Variants in NR3C1 observed in about 807,000 individuals in gnomAD.
The protein encoded by NR3C1 is glucocorticoid receptor.
NR3C1 carries 14 observed loss-of-function variants against 74.0 expected under a neutral mutation model. That is an observed-to-expected ratio of 0.19 (90% CI 0.12 to 0.30). NR3C1 has a LOEUF of 0.30. Ranked by LOEUF, NR3C1 falls within the 10% of genes least tolerant of loss-of-function variation. The pLI is 1.00. For missense variants in NR3C1, 695 were observed against 909.8 expected (o/e 0.76, Z 3.04); for synonymous variants, 308 against 332.5 (o/e 0.93, Z 0.80).
chr5:143,403,139 G>A (rs928245706), intron 1 of NR3C1, 72 bp downstream of exon 1: 8 of 862,030 alleles, frequency 9.3e-6, no homozygotes, highest in Admixed American at 8.4e-5. Context: ...GGCGGCCCCC[G>A]AGTTGTCTCC....
chr5:143,305,932 T>TA (rs914461554), intron 4 of NR3C1, among the ~76,000 whole-genome samples: 2 of 152,130 alleles, frequency 1.3e-5, no homozygotes, highest in African/African-American at 4.8e-5. Context: ...TTTTTGAACT[T>TA]AAAAAAATTA....
chr5:143,339,312 T>C (rs1040525353), intron 2 of NR3C1, among the ~76,000 whole-genome samples: 4 of 152,230 alleles, frequency 2.6e-5, no homozygotes, highest in African/African-American at 9.6e-5. Context: ...CTCCAGTCTT[T>C]GATGATTTCT....
At position 143,384,853 on chromosome 5, in the gene NR3C1, C is replaced by T. The variant is rs539573474; in HGVS notation, c.1184+14803G>A. ...CTGGAGGATGGTATCCCTCTTCTCA[C>T]GGCTCCACTAGGCAGTGCCCCAGTG... On this transcript the variant is annotated intron_variant, in intron 2 of 8. Transcript: ENST00000394464. Among the ~76,000 whole-genome samples the T allele has an allele frequency of 7.9e-5, 12 of 152,350 alleles. No individual in the cohort carries two copies. In the East Asian group the frequency reaches 1.5e-3, roughly 20 times the overall value.
intron 2 of NR3C1, among the ~76,000 whole-genome samples, chr5:143,322,969 T>C (rs1823689099): frequency 6.6e-6 from 1 of 152,230 alleles, no homozygotes; most frequent in South Asian, 2.1e-4. Flanking sequence ...AGGAATAATC[T>C]TAGGTACAGG....
At chr5:143,326,968 G>A (rs906438835) in intron 2 of NR3C1, among the ~76,000 whole-genome samples, 4 of 152,172 alleles carry the variant, frequency 2.6e-5, no homozygotes, top group Admixed American at 2.0e-4. Flanking sequence ...GTACCACAAT[G>A]TATACATTCA....
chr5:143,403,729 C>CCCCCGGCCGCT (rs1353119645), upstream of NR3C1: 6 of 985,022 alleles, frequency 6.1e-6, no homozygotes, highest in Non-Finnish European at 7.2e-6. Flanking sequence ...TCCCACTCCA[C>CCCCCGGCCGCT]CCCCGGCCGC....
At chr5:143,349,741 T>C (rs1829917045) in intron 2 of NR3C1, among the ~76,000 whole-genome samples, 1 of 152,178 alleles carries the variant, frequency 6.6e-6, no homozygotes, top group Non-Finnish European at 1.5e-5. Context: ...CACTGGGGTA[T>C]ACCACAGTGA....
chr5:143,353,502 C>T lies in NR3C1; in HGVS notation c.1185-39334G>A, dbSNP rs75689709. Among the ~76,000 whole-genome samples, 824 of 152,260 alleles carry T rather than the reference C, an allele frequency of 5.4e-3. 5 individuals are homozygous for T. Among genetic ancestry groups the T allele is most frequent in the East Asian group, 0.022 (114 of 5,182 alleles). On this transcript the variant is annotated intron_variant, in intron 2 of 8. Coordinates refer to ENST00000394464, the MANE Select transcript of NR3C1 (RefSeq NM_000176.3). Reference sequence around the variant, plus strand: ...CTGATTTGAAACTTGAAATCACTCCCTGATTCATGGGCTACAAATGGATGA... The same window carrying T: ...CTGATTTGAAACTTGAAATCACTCCTTGATTCATGGGCTACAAATGGATGA...
At chr5:143,404,676 CTTTT>C (rs72557311), upstream of NR3C1, 3 of 266,970 alleles carry the variant, frequency 1.1e-5, no homozygotes, top group East Asian at 1.8e-4. Context: ...TTTCTTTGCA[CTTTT>C]TTTTTATTAT....
exon 1 of NR3C1, chr5:143,435,139 G>A (rs1406209757): frequency 6.1e-6 from 6 of 985,334 alleles, no homozygotes; most frequent in African/African-American, 1.7e-5. Flanking sequence ...AAATGAATGC[G>A]TGCATATTCA....
intron 2 of NR3C1, among the ~76,000 whole-genome samples, chr5:143,350,961 A>G (rs1830127293): frequency 6.6e-6 from 1 of 152,176 alleles, no homozygotes; most frequent in Non-Finnish European, 1.5e-5. Context: ...GGAAAGGTCA[A>G]TGTGAATGGA....
intron 2 of NR3C1, among the ~76,000 whole-genome samples, chr5:143,355,557 T>C (rs938444020): frequency 7.9e-5 from 12 of 152,054 alleles, no homozygotes; most frequent in Non-Finnish European, 1.8e-4. Flanking sequence ...TCATATAACA[T>C]TTTCCCCCCA....
At chr5:143,289,909 A>T (rs1226476130) in intron 7 of NR3C1, among the ~76,000 whole-genome samples, 1 of 152,176 alleles carries the variant, frequency 6.6e-6, no homozygotes, top group Non-Finnish European at 1.5e-5. Context: ...TTTTAAAAAT[A>T]AATTTAAACA....
chr5:143,390,518 A>G (rs544941019), intron 2 of NR3C1, among the ~76,000 whole-genome samples: 1 of 152,332 alleles, frequency 6.6e-6, no homozygotes, highest in South Asian at 2.1e-4. Context: ...CTTAAACATA[A>G]AATAAACACT....
chr5:143,392,604 T>C (rs1020282080), intron 2 of NR3C1, among the ~76,000 whole-genome samples: 1 of 152,152 alleles, frequency 6.6e-6, no homozygotes, highest in African/African-American at 2.4e-5. Context: ...CTGTGCTTCA[T>C]GGATATTGAC....
chr5:143,301,929 T>G (rs1818566807), intron 4 of NR3C1, among the ~76,000 whole-genome samples: 1 of 152,102 alleles, frequency 6.6e-6, no homozygotes, highest in Non-Finnish European at 1.5e-5. Context: ...CTATACTAAA[T>G]GGGGTAACTG....
intron 2 of NR3C1, among the ~76,000 whole-genome samples, chr5:143,340,265 A>C (rs915284354): frequency 6.6e-6 from 1 of 152,104 alleles, no homozygotes; most frequent in Non-Finnish European, 1.5e-5. Flanking sequence ...TGGAAGACTC[A>C]ATATAGACTC....
chr5:143,398,555 A>T (rs759960028), intron 2 of NR3C1, among the ~76,000 whole-genome samples: 16 of 152,050 alleles, frequency 1.1e-4, no homozygotes, highest in Non-Finnish European at 5.9e-5. Context: ...AACGATGAAT[A>T]TCACTAACAT....
chr5:143,333,108 T>C (rs1826349447), intron 2 of NR3C1: 3 of 1,594,228 alleles, frequency 1.9e-6, no homozygotes, highest in East Asian at 2.2e-5. Context: ...GGAGATCTCA[T>C]GGTTCTTGCG....
Sources: allele counts gnomAD v4.1 joint callset (sites outside exome capture counted in the v4.1 genomes callset), GRCh38; gene constraint gnomAD v4.1.1; transcripts MANE v1.5; gene names NCBI Gene and HGNC (gene_info 2026-07-23, HGNC 2026-07-21).